Variants in AGBL2 observed in about 807,000 individuals in gnomAD.
The protein encoded by AGBL2 is AGBL carboxypeptidase 2.
A neutral mutation model predicts 103.0 loss-of-function variants in AGBL2; 87 were observed. The observed-to-expected ratio is 0.84, with a 90% CI of 0.71 to 1.01. The LOEUF (loss-of-function observed/expected upper bound fraction) is 1.01, where lower values mean the gene tolerates loss of function less well. Among genes scored for constraint, AGBL2 ranks in the 50% least tolerant of loss-of-function variants. The pLI is 0.00. For synonymous variants in AGBL2, 335 were observed against 356.7 expected, an observed-to-expected ratio of 0.94 and a Z score of 0.69; for missense variants, 904 against 1,023.5, an observed-to-expected ratio of 0.88 and a Z score of 1.59.
intron 3 of AGBL2, among the ~76,000 whole-genome samples, chr11:47,712,428 T>C: frequency 6.6e-6 from 1 of 152,334 alleles, no homozygotes; most frequent in East Asian, 1.9e-4. Flanking sequence ...GATCAATATT[T>C]ATAATAGCAT....
At chr11:47,679,031 C>A (rs1442403026) in intron 13 of AGBL2, among the ~76,000 whole-genome samples, 5 of 114,770 alleles carry the variant, frequency 4.4e-5, no homozygotes, top group Non-Finnish European at 6.5e-5. Flanking sequence ...TGCACTCCAG[C>A]CTGGGCGACA....
intron 13 of AGBL2, among the ~76,000 whole-genome samples, chr11:47,678,335 A>ATTTTTTTTTTTTT (rs771416947): frequency 1.5e-4 from 10 of 67,812 alleles, no homozygotes; most frequent in East Asian, 1.1e-3. Flanking sequence ...ATTTTATTTT[A>ATTTTTTTTTTTTT]TTATTTTATT....
At position 47,663,100 on chromosome 11, in the gene AGBL2, T is replaced by G; in HGVS notation, c.2461A>C (p.Arg821=). 2 of 1,588,052 alleles carry G rather than the reference T, an allele frequency of 1.3e-6. No homozygotes were observed. The highest frequency in any genetic ancestry group is 1.7e-6 in the Non-Finnish European group (2 of 1,173,890). Residue 821 remains arginine (R), a synonymous_variant, in exon 18 of 19, where the codon AGA becomes CGA. Coordinates refer to ENST00000525123, the MANE Select transcript of AGBL2 (RefSeq NM_024783.4). Reference sequence around the variant, plus strand: ...TCCAGGGGGGTGTCTTTGTCTCTTCTATTTAAATTTGTCTAAAATAAATGA... The same window carrying G: ...TCCAGGGGGGTGTCTTTGTCTCTTCGATTTAAATTTGTCTAAAATAAATGA... ...NPRLNETNLN[R]RDKDTPLDPS...
At chr11:47,676,691 C>A (rs1044107439) in intron 14 of AGBL2, among the ~76,000 whole-genome samples, 3 of 151,896 alleles carry the variant, frequency 2.0e-5, no homozygotes, top group Non-Finnish European at 2.9e-5. Context: ...TTGTTGCAGG[C>A]GCCTGTAGTC....
At chr11:47,701,187 C>T (rs1371567767) in intron 7 of AGBL2, among the ~76,000 whole-genome samples, 1 of 151,616 alleles carries the variant, frequency 6.6e-6, no homozygotes, top group East Asian at 2.0e-4. Flanking sequence ...ATGTAGTTGG[C>T]TGGGCGCAGT....
chr11:47,701,279 A>T (rs1175786400), intron 7 of AGBL2, among the ~76,000 whole-genome samples: 1 of 149,722 alleles, frequency 6.7e-6, no homozygotes, highest in Non-Finnish European at 1.5e-5. Flanking sequence ...GACCAGCCTG[A>T]CCAACATGGT....
chr11:47,698,568 T>C (rs751052804), intron 8 of AGBL2, among the ~76,000 whole-genome samples: 1 of 152,204 alleles, frequency 6.6e-6, no homozygotes, highest in Non-Finnish European at 1.5e-5. Flanking sequence ...AGGTAATTGA[T>C]AAGAAGCCTT....
Position 47,714,798 on chromosome 11 carries a change from G to T in AGBL2, c.-100-48C>A, listed in dbSNP as rs575135424. On this transcript the variant is annotated intron_variant, in intron 1 of 18. Transcript: ENST00000525123. ...GTGAAAAAACTGCCAATACCTCCCCGGGCGCCCCCCAGCTCCCTCTTGACT... is the reference window on the plus strand; with the variant it reads ...GTGAAAAAACTGCCAATACCTCCCCTGGCGCCCCCCAGCTCCCTCTTGACT... 152 of 791,342 alleles carry T rather than the reference G, an allele frequency of 1.9e-4. 1 individual carries two copies. In the East Asian group the frequency reaches 3.7e-3, roughly 19 times the overall value. The allele number at this position is 791,342 out of a possible 1,614,324, so 49.0% of individuals were successfully genotyped here.
At chr11:47,684,759 A>T (rs1165386024) in intron 11 of AGBL2, among the ~76,000 whole-genome samples, 2 of 152,174 alleles carry the variant, frequency 1.3e-5, no homozygotes, top group African/African-American at 4.8e-5. Context: ...TATTGTTTTC[A>T]TTAAGCTCTT....
intron 10 of AGBL2, among the ~76,000 whole-genome samples, chr11:47,686,447 GTTTTTT>G (rs563969184): frequency 5.7e-5 from 6 of 105,054 alleles, no homozygotes; most frequent in Non-Finnish European, 7.6e-5. Context: ...TTTGTTTCTG[GTTTTTT>G]TTTTTTTTTT....
intron 3 of AGBL2, chr11:47,710,753 T>C (rs543790773): frequency 8.8e-5 from 50 of 568,042 alleles, no homozygotes; most frequent in South Asian, 6.6e-4. Flanking sequence ...CCTGGTGTAG[T>C]GGAGTGAGAA....
chr11:47,665,954 A>C (rs2097340182), intron 17 of AGBL2, among the ~76,000 whole-genome samples: 1 of 152,048 alleles, frequency 6.6e-6, no homozygotes, highest in African/African-American at 2.4e-5. Flanking sequence ...GGTTGTAGTG[A>C]GCTGAGATCG....
intron 13 of AGBL2, among the ~76,000 whole-genome samples, chr11:47,678,343 A>ATTTTTTTTTTTTTTTTTTTTTTTTTTTT: frequency 8.6e-6 from 1 of 116,876 alleles, no homozygotes; most frequent in East Asian, 2.9e-4. Flanking sequence ...TTATTATTTT[A>ATTTTTTTTTTTTTTTTTTTTTTTTTTTT]TTTTTTTTGA....
chr11:47,687,400 C>T (rs1477239097), intron 10 of AGBL2, among the ~76,000 whole-genome samples: 1 of 152,034 alleles, frequency 6.6e-6, no homozygotes, highest in East Asian at 1.9e-4. Flanking sequence ...AAAAAGAACC[C>T]CACTTATACT....
Position 47,690,706 on chromosome 11 carries a change from A to G in AGBL2, c.1001T>C (p.Val334Ala), listed in dbSNP as rs2097441865. 2 of 1,614,120 alleles carry G rather than the reference A, an allele frequency of 1.2e-6. No homozygotes were observed. The highest frequency in any genetic ancestry group is 2.2e-5 in the East Asian group (1 of 44,874). Residue 334 changes from valine to alanine, a missense_variant, in exon 10 of 19, where the codon GTA (valine) becomes GCA (alanine). Physicochemically the swap from Val to Ala is moderately conservative, Grantham distance 64. Transcript: ENST00000525123. ...NLLKPKSLYTVGMKPLLYSQL... is the reference protein window; with the variant it reads ...NLLKPKSLYTAGMKPLLYSQL... Reference sequence around the variant, plus strand: ...GGAGTACAAGAGTGGCTTCATCCCTACAGTATAAAGACTCTTGGGTTTTAG... The same window carrying G: ...GGAGTACAAGAGTGGCTTCATCCCTGCAGTATAAAGACTCTTGGGTTTTAG...
chr11:47,683,359 G>A (rs1201817080), intron 11 of AGBL2, among the ~76,000 whole-genome samples: 1 of 152,000 alleles, frequency 6.6e-6, no homozygotes, highest in African/African-American at 2.4e-5. Flanking sequence ...GCGACAGAGC[G>A]AGACTCAAAA....
intron 13 of AGBL2, among the ~76,000 whole-genome samples, chr11:47,678,338 A>ATTTTTTTTTT (rs1196435610): frequency 9.4e-5 from 9 of 95,272 alleles, no homozygotes; most frequent in East Asian, 3.2e-4. Context: ...TTATTTTATT[A>ATTTTTTTTTT]TTTTATTTTT....
At position 47,714,320 on chromosome 11, in the gene AGBL2, TAA is replaced by T; in HGVS notation, c.59_60del (p.Phe20TyrfsTer12). ...CCATAATATTGGAGGTGACGGTACA[TAA>T]AGTCTTCATAAGGATCAGGAATAGT... ...KQTIPDPYED[F>X]MYRHLQYYGY... On this transcript the variant is annotated frameshift_variant, in exon 3 of 19. Coordinates refer to ENST00000525123, the MANE Select transcript of AGBL2 (RefSeq NM_024783.4). LOFTEE classifies it high-confidence loss of function. The T allele has an allele frequency of 6.2e-7, 1 of 1,612,396 alleles. No homozygotes were observed. The highest frequency in any genetic ancestry group is 8.5e-7 in the Non-Finnish European group (1 of 1,179,406).
intron 9 of AGBL2, among the ~76,000 whole-genome samples, chr11:47,691,730 ATAT>A (rs1341489554): frequency 5.9e-4 from 5 of 8,528 alleles, no homozygotes; most frequent in Non-Finnish European, 7.1e-4. Context: ...AAAAAAAAAA[ATAT>A]ATATATATAT....
Sources: allele counts gnomAD v4.1 joint callset (sites outside exome capture counted in the v4.1 genomes callset), GRCh38; gene constraint gnomAD v4.1.1; transcripts MANE v1.5; gene names NCBI Gene and HGNC (gene_info 2026-07-23, HGNC 2026-07-21).